CLSPN: variants seen among roughly 807,000 people sequenced by gnomAD.
CLSPN encodes claspin, also known as claspin homolog.
A neutral mutation model predicts 156.3 loss-of-function variants in CLSPN; 85 were observed. The observed-to-expected ratio is 0.54, with a 90% CI of 0.46 to 0.65. The LOEUF (loss-of-function observed/expected upper bound fraction) is 0.65. CLSPN is among the 30% of genes least tolerant of loss of function. CLSPN has a pLI of 0.00. For synonymous variants in CLSPN, 534 were observed against 542.4 expected, an observed-to-expected ratio of 0.98 and a Z score of 0.22; for missense variants, 1,407 against 1,554.9, an observed-to-expected ratio of 0.90 and a Z score of 1.60.
intron 5 of CLSPN, 127 bp downstream of exon 5, chr1:35,762,276 CT>C: frequency 1.1e-6 from 1 of 881,386 alleles, no homozygotes; most frequent in Non-Finnish European, 1.8e-6. Context: ...TTTGTTCCTA[CT>C]ATGTACAAAG....
At chr1:35,769,457 C>T (rs1490457107) in intron 1 of CLSPN, among the ~76,000 whole-genome samples, 2 of 152,228 alleles carry the variant, frequency 1.3e-5, no homozygotes, top group South Asian at 2.1e-4. Context: ...AGAATCCCCC[C>T]GCACCGCTGC....
intron 20 of CLSPN, 83 bp downstream of exon 20, chr1:35,739,053 C>A: frequency 6.7e-7 from 1 of 1,496,308 alleles, no homozygotes; most frequent in East Asian, 2.3e-5. Context: ...CCTGCCTCTG[C>A]CTCCCAAAGT....
Position 35,733,677 on chromosome 1 carries a change from G to A in CLSPN, c.*2819C>T, listed in dbSNP as rs757325593. On this transcript the variant is annotated 3_prime_UTR_variant, in exon 25 of 25. Transcript: ENST00000318121. ...ACATACAAACTTAGCTAAAGAGAAA[G>A]GCCAATCAAAGCTGTAACAGGCTGG... 9.7e-5 allele frequency: 96 copies of A among 985,286 alleles called. No individual in the cohort carries two copies. The highest frequency in any genetic ancestry group is 1.1e-4 in the Non-Finnish European group (93 of 829,930). 61.0% of individuals were successfully genotyped at this position (985,286 alleles called of 1,614,324 possible).
intron 1 of CLSPN, among the ~76,000 whole-genome samples, chr1:35,766,001 T>C (rs1354955459): frequency 6.7e-6 from 1 of 148,966 alleles, no homozygotes; most frequent in African/African-American, 2.5e-5. Context: ...TCTCTTTTTT[T>C]TTTTTTTTTT....
chr1:35,738,545 A>T lies in CLSPN; in HGVS notation c.3468T>A (p.Ser1156=), dbSNP rs1310947408. The change falls in exon 21 of 25, where the codon TCT becomes TCA. Residue 1156 remains serine (S), a synonymous_variant. Transcript: ENST00000318121. The stretch of plus-strand genomic sequence containing the variant: ...GCTGTTCTTCAGTCTGATCATCATC[A>T]GAGTCTCTGTGGAACAAGTCCATCT... ...ASQMDLFHRD[S]DDDQTEEQLD... The T allele has an allele frequency of 1.9e-6, 3 of 1,613,854 alleles. No homozygotes were observed. Among genetic ancestry groups the T allele is most frequent in the Non-Finnish European group, 2.5e-6 (3 of 1,179,920 alleles).
chr1:35,737,543 T>C, intron 22 of CLSPN, 122 bp from the exon 23 acceptor site: 1 of 683,986 alleles, frequency 1.5e-6, no homozygotes, highest in Non-Finnish European at 2.5e-6. Flanking sequence ...AACTCTGTTC[T>C]ATATAATGGT....
At chr1:35,767,630 ATGTG>A (rs1233998279) in intron 1 of CLSPN, among the ~76,000 whole-genome samples, 20 of 152,310 alleles carry the variant, frequency 1.3e-4, no homozygotes, top group Non-Finnish European at 2.8e-4. Context: ...CCTTCAGACT[ATGTG>A]TGTAAGGTAT....
Position 35,753,602 on chromosome 1 carries a change from G to A in CLSPN, c.1771+143C>T, listed in dbSNP as rs530072422. 1.3e-4 allele frequency: 96 copies of A among 722,764 alleles called. No individual in the cohort carries two copies. In the Middle Eastern group the frequency reaches 2.7e-3, roughly 21 times the overall value. The allele number at this position is 722,764 out of a possible 1,614,324, so 44.8% of individuals were successfully genotyped here. A position where few individuals can be genotyped will look rare whatever the true frequency, so the allele number is the denominator to read the frequency against. ...CCCCACACCTCTAGGTGTGCTACACGTGAATCATGCCAGAGATACTGCTCT... is the reference window on the plus strand; with the variant it reads ...CCCCACACCTCTAGGTGTGCTACACATGAATCATGCCAGAGATACTGCTCT... On this transcript the variant is annotated intron_variant, in intron 9 of 24. Coordinates refer to ENST00000318121, the MANE Select transcript of CLSPN (RefSeq NM_022111.4).
intron 20 of CLSPN, 139 bp downstream of exon 20, chr1:35,738,997 C>T: frequency 2.1e-6 from 2 of 955,540 alleles, no homozygotes; most frequent in South Asian, 1.7e-5. Flanking sequence ...GACGGGGTTT[C>T]ACCATGTTGT....
In CLSPN at chr1:35,735,787, G is replaced by A; in HGVS notation, c.*709C>T. 1.0e-6 allele frequency: 1 copy of A among 984,944 alleles called. No homozygotes were observed. The highest frequency in any genetic ancestry group is 1.1e-4 in the East Asian group (1 of 8,774). 61.0% of individuals were successfully genotyped at this position (984,944 alleles called of 1,614,324 possible). A position where few individuals can be genotyped will look rare whatever the true frequency, so the allele number is the denominator to read the frequency against. Reference sequence around the variant, plus strand: ...TCATGGGTGTAAAGGAGTCATTATGGTACTGATTTTCACTGTTTAATCTGT... The same window carrying A: ...TCATGGGTGTAAAGGAGTCATTATGATACTGATTTTCACTGTTTAATCTGT... On this transcript the variant is annotated 3_prime_UTR_variant, in exon 25 of 25. Coordinates refer to ENST00000318121, the MANE Select transcript of CLSPN (RefSeq NM_022111.4).
At position 35,732,275 on chromosome 1, in the gene CLSPN, C is replaced by T; in HGVS notation, c.*4221G>A. 1.0e-6 allele frequency: 1 copy of T among 985,402 alleles called. No homozygotes were observed. The highest frequency in any genetic ancestry group is 1.7e-5 in the African/African-American group (1 of 57,360). The allele number at this position is 985,402 out of a possible 1,614,324, so 61.0% of individuals were successfully genotyped here. On this transcript the variant is annotated 3_prime_UTR_variant, in exon 25 of 25. Coordinates refer to ENST00000318121, the MANE Select transcript of CLSPN (RefSeq NM_022111.4). ...ACACTCCTCCCAGAAATACTCTCCT[C>T]TATCCTTAGGAGCACAAATCCCAGG...
At chr1:35,743,313 A>G (rs1263852477) in intron 17 of CLSPN, 72 bp from the exon 18 acceptor site, 1 of 1,376,744 alleles carries the variant, frequency 7.3e-7, no homozygotes, top group Non-Finnish European at 1.0e-6. Context: ...ATTTATAAAC[A>G]TCTGCCCAAA....
chr1:35,760,903 G>T lies in CLSPN; in HGVS notation c.1018C>A (p.Gln340Lys). The T allele has an allele frequency of 6.2e-7, 1 of 1,608,472 alleles. No homozygotes were observed. Among genetic ancestry groups the T allele is most frequent in the Non-Finnish European group, 8.5e-7 (1 of 1,176,044 alleles). Reference protein sequence around the residue: ...AMALLKSSKYQSSHHKEIIDT... With the variant: ...AMALLKSSKYKSSHHKEIIDT... ...ATGATTTCTTTGTGATGGCTTGACT[G>T]ATATTTAGATGACCTAGAGAAGAGA... The change falls in exon 8 of 25, where the codon CAG becomes AAG. Residue 340 changes from glutamine to lysine, a missense_variant. Around this residue, in one of 3 missense-constraint regions of CLSPN, gnomAD observed 1,096 missense variants for 1,193.0 expected, o/e 0.92. Transcript: ENST00000318121.
rs1349941815 is a variant in CLSPN, at chr1:35,764,275, T to A, written c.573A>T (p.Thr191=). Residue 191 remains threonine, a synonymous_variant, in exon 3 of 25, where the codon ACA becomes ACT. Coordinates refer to ENST00000318121, the MANE Select transcript of CLSPN (RefSeq NM_022111.4). ...ATTCTTTAAAATGTACCTGGTTTTT[T>A]GTTTCCTTCTTTTTTAGCTGTCTAA... The part of the protein sequence containing the change: ...EKIRQLKKKE[T]KNQEDDVEQP... 4 of 1,559,816 alleles carry A rather than the reference T, an allele frequency of 2.6e-6. No individual in the cohort carries two copies. Among genetic ancestry groups the A allele is most frequent in the Non-Finnish European group, 3.5e-6 (4 of 1,159,148 alleles).
chr1:35,760,647 C>T lies in CLSPN; in HGVS notation c.1274G>A (p.Ser425Asn). 6.2e-7 allele frequency: 1 copy of T among 1,614,214 alleles called. No homozygotes were observed. Among genetic ancestry groups the T allele is most frequent in the Non-Finnish European group, 8.5e-7 (1 of 1,180,046 alleles). ...QSDIRPSPGD[S>N]SVLQQESNFL... ...GTTGGATTCCTGTTGCAACACTGAG[C>T]TGTCCCCAGGTGAAGGTCTAATGTC... The change falls in exon 8 of 25, where the codon AGC becomes AAC. Residue 425 changes from serine to asparagine, a missense_variant. By Grantham distance (46) the Ser-to-Asn change is conservative. Coordinates refer to ENST00000318121, the MANE Select transcript of CLSPN (RefSeq NM_022111.4).
Position 35,760,536 on chromosome 1 carries a change from T to G in CLSPN, c.1385A>C (p.Gln462Pro), listed in dbSNP as rs753744885. ...TTTCTCATCTGTTTCTTCTGGATTT[T>G]GGGGGCCTTCACCCTCCAGGGCATG... ...EPHALEGEGP[Q>P]NPEETDEKVE... is the part of the protein sequence containing the mutation. Residue 462 changes from glutamine to proline, a missense_variant, in exon 8 of 25, where the codon CAA becomes CCA. Gln to Pro is a moderately conservative substitution (Grantham distance 76, BLOSUM62 -1). This residue lies in a region of CLSPN where 1,096 missense variants were observed against 1,193.0 expected (regional missense o/e 0.92). Coordinates refer to ENST00000318121, the MANE Select transcript of CLSPN (RefSeq NM_022111.4). The G allele has an allele frequency of 5.0e-6, 8 of 1,614,230 alleles. No individual in the cohort carries two copies. The highest frequency in any genetic ancestry group is 5.1e-6 in the Non-Finnish European group (6 of 1,180,050).
chr1:35,721,535 G>A (rs1413041883), intron 24 of CLSPN, among the ~76,000 whole-genome samples: 3 of 151,942 alleles, frequency 2.0e-5, no homozygotes, highest in Non-Finnish European at 2.9e-5. Flanking sequence ...TTACAGGCGC[G>A]TGCCACCACA....
intron 18 of CLSPN, 22 bp from the exon 19 acceptor site, chr1:35,739,551 T>C: frequency 3.7e-6 from 6 of 1,600,094 alleles, no homozygotes; most frequent in East Asian, 2.2e-5. Flanking sequence ...TTTTGAGGAT[T>C]AGAAAATGCA....
chr1:35,766,591 T>TGC (rs1170100832), intron 1 of CLSPN, among the ~76,000 whole-genome samples: 23 of 144,184 alleles, frequency 1.6e-4, no homozygotes, highest in East Asian at 8.7e-4. Context: ...ATTACAGGCA[T>TGC]GTGTCACCAC....
Sources: allele counts gnomAD v4.1 joint callset (sites outside exome capture counted in the v4.1 genomes callset), GRCh38; gene constraint gnomAD v4.1.1; regional missense constraint gnomAD v4.1.1; transcripts MANE v1.5; gene names NCBI Gene and HGNC (gene_info 2026-07-23, HGNC 2026-07-21).